The following MKLN1 variants were observed in gnomAD, a reference collection of about 807,000 sequenced individuals.
The protein encoded by MKLN1 is muskelin 1.
A neutral mutation model predicts 99.0 loss-of-function variants in MKLN1; 18 were observed. The observed-to-expected ratio is 0.18, with a 90% CI of 0.13 to 0.27. The LOEUF (loss-of-function observed/expected upper bound fraction) is 0.27, where lower values mean the gene tolerates loss of function less well. MKLN1 is among the 10% of genes least tolerant of loss of function. The pLI, the probability that MKLN1 is intolerant of heterozygous loss-of-function variation, is 1.00. For synonymous variants in MKLN1, 288 were observed against 293.2 expected (o/e 0.98, Z 0.18); for missense variants, 621 against 875.9 (o/e 0.71, Z 3.67).
intron 3 of MKLN1, among the ~76,000 whole-genome samples, chr7:131,388,290 A>G (rs1035462900): frequency 5.3e-5 from 8 of 152,250 alleles, no homozygotes; most frequent in African/African-American, 1.9e-4. Flanking sequence ...GGAAATGTAA[A>G]GCAACCTGAG....
intron 2 of MKLN1, among the ~76,000 whole-genome samples, chr7:131,170,165 C>A (rs189775523): frequency 6.6e-6 from 1 of 152,056 alleles, no homozygotes; most frequent in Non-Finnish European, 1.5e-5. Context: ...ACATGATCAC[C>A]CTCATCATAG....
At chr7:131,319,028 T>C (rs1287920182) in intron 3 of MKLN1, among the ~76,000 whole-genome samples, 1 of 152,288 alleles carries the variant, frequency 6.6e-6, no homozygotes, top group African/African-American at 2.4e-5. Flanking sequence ...AAAGAGGAGC[T>C]GGTACCATTC....
intron 3 of MKLN1, among the ~76,000 whole-genome samples, chr7:131,311,974 CAAAT>C (rs1354379315): frequency 6.6e-6 from 1 of 151,944 alleles, no homozygotes; most frequent in Non-Finnish European, 1.5e-5. Flanking sequence ...TCCTTATAAA[CAAAT>C]CTATCAAATC....
intron 1 of MKLN1, among the ~76,000 whole-genome samples, chr7:131,366,979 A>T (rs1264011972): frequency 1.3e-5 from 2 of 152,244 alleles, no homozygotes; most frequent in African/African-American, 4.8e-5. Flanking sequence ...CTGACATTTA[A>T]TTGGTAGTAT....
intron 12 of MKLN1, among the ~76,000 whole-genome samples, chr7:131,459,735 C>CT (rs200939766): frequency 5.3e-5 from 8 of 151,688 alleles, no homozygotes; most frequent in East Asian, 1.9e-4. Context: ...TACATGCCAT[C>CT]TTTTTAAAAA....
At chr7:131,291,157 G>C (rs934419599) in intron 3 of MKLN1, among the ~76,000 whole-genome samples, 4 of 141,436 alleles carry the variant, frequency 2.8e-5, no homozygotes, top group African/African-American at 8.1e-5. Flanking sequence ...TTGAGACAGA[G>C]TCTCACTCTG....
intron 16 of MKLN1, among the ~76,000 whole-genome samples, chr7:131,475,275 A>C (rs1796933193): frequency 6.6e-6 from 1 of 152,220 alleles, no homozygotes; most frequent in Non-Finnish European, 1.5e-5. Flanking sequence ...ACTTTAAAAG[A>C]CACAGTTTAC....
At chr7:131,315,062 G>C (rs540265969) in intron 3 of MKLN1, among the ~76,000 whole-genome samples, 1 of 152,198 alleles carries the variant, frequency 6.6e-6, no homozygotes, top group East Asian at 1.9e-4. Context: ...CCATGCCTGC[G>C]TGAATCTGTT....
intron 3 of MKLN1, among the ~76,000 whole-genome samples, chr7:131,255,019 G>A (rs1169657507): frequency 6.6e-6 from 1 of 151,932 alleles, no homozygotes; most frequent in East Asian, 1.9e-4. Flanking sequence ...AGCCTCCAGA[G>A]CTGGGAATAC....
At chr7:131,161,445 A>G (rs761054980) in intron 2 of MKLN1, among the ~76,000 whole-genome samples, 14 of 152,246 alleles carry the variant, frequency 9.2e-5, no homozygotes, top group Non-Finnish European at 1.6e-4. Flanking sequence ...TCCAAAATCC[A>G]AAACTTTTTG....
chr7:131,401,632 G>A (rs977247271), intron 6 of MKLN1, among the ~76,000 whole-genome samples: 12 of 151,988 alleles, frequency 7.9e-5, no homozygotes, highest in African/African-American at 2.9e-4. Flanking sequence ...TGGTTTTTTG[G>A]ATTGTGCAGT....
At chr7:131,235,048 G>A (rs535989068) in intron 3 of MKLN1, among the ~76,000 whole-genome samples, 1 of 152,140 alleles carries the variant, frequency 6.6e-6, no homozygotes, top group Non-Finnish European at 1.5e-5. Context: ...TCCCTGGTTC[G>A]GACATGAAGA....
chr7:131,424,903 G>A (rs1795314449), intron 8 of MKLN1, among the ~76,000 whole-genome samples: 1 of 152,164 alleles, frequency 6.6e-6, no homozygotes, highest in Non-Finnish European at 1.5e-5. Flanking sequence ...CACTGTCTGT[G>A]TGGAGTCAAG....
At chr7:131,395,106 A>G (rs1218584257) in intron 4 of MKLN1, among the ~76,000 whole-genome samples, 1 of 152,072 alleles carries the variant, frequency 6.6e-6, no homozygotes, top group Non-Finnish European at 1.5e-5. Context: ...CCAAAATTCT[A>G]ATTTTTCTCT....
At chr7:131,325,872 C>T (rs537251630), upstream of MKLN1, among the ~76,000 whole-genome samples, 5 of 134,380 alleles carry the variant, frequency 3.7e-5, no homozygotes, top group Non-Finnish European at 6.1e-5. Context: ...AGTTAGTGGG[C>T]AGATGTCAAA....
intron 3 of MKLN1, among the ~76,000 whole-genome samples, chr7:131,247,046 G>T (rs571802602): frequency 6.6e-6 from 1 of 152,114 alleles, no homozygotes; most frequent in East Asian, 1.9e-4. Flanking sequence ...ACCTAGTGTG[G>T]GACATGGCAA....
intron 1 of MKLN1, among the ~76,000 whole-genome samples, chr7:131,345,500 A>G (rs1178012970): frequency 1.3e-5 from 2 of 152,182 alleles, no homozygotes; most frequent in African/African-American, 4.8e-5. Context: ...GGAGGATCAT[A>G]GAGTCCAGAA....
intron 11 of MKLN1, among the ~76,000 whole-genome samples, chr7:131,444,718 G>GAGGAGT (rs1179312273): frequency 2.3e-5 from 3 of 128,750 alleles, no homozygotes; most frequent in Admixed American, 8.2e-5. Context: ...CCTGGGTTTT[G>GAGGAGT]AGTAGTAGTA....
intron 1 of MKLN1, among the ~76,000 whole-genome samples, chr7:131,351,998 T>C (rs1051493099): frequency 2.0e-5 from 3 of 152,260 alleles, no homozygotes; most frequent in African/African-American, 7.2e-5. Context: ...TTTTGGTTAC[T>C]CTGAAATACA....
Sources: gnomAD v4.1 joint callset for allele counts (sites outside exome capture counted in the v4.1 genomes callset) on GRCh38, gnomAD v4.1.1 for gene constraint, MANE v1.5 for transcripts, NCBI Gene and HGNC (gene_info 2026-07-23, HGNC 2026-07-21) for gene names.